The following FHIP2A variants were observed in gnomAD, a reference collection of about 807,000 sequenced individuals.
FHIP2A encodes FHF complex subunit HOOK interacting protein 2A.
In FHIP2A, 46 loss-of-function variants were observed where a neutral mutation model predicts 93.5. That is an observed-to-expected ratio of 0.49 (90% CI 0.39 to 0.63). FHIP2A has a LOEUF of 0.63. Ranked by LOEUF, FHIP2A falls within the 20% of genes least tolerant of loss-of-function variation. The probability of loss-of-function intolerance (pLI) is 0.00; values close to 1 mark genes in which losing one functional copy is unlikely to be tolerated. For synonymous variants in FHIP2A, 332 were observed against 326.5 expected (o/e 1.02, Z -0.18); for missense variants, 769 against 909.7 (o/e 0.85, Z 1.99).
chr10:114,856,598 G>A (rs1409536866), intron 14 of FHIP2A, among the ~76,000 whole-genome samples: 2 of 152,160 alleles, frequency 1.3e-5, no homozygotes, highest in African/African-American at 2.4e-5. Flanking sequence ...AATTTTGACC[G>A]AAAGTACTAA....
intron 7 of FHIP2A, 145 bp from the exon 8 acceptor site, chr10:114,845,222 C>T: frequency 2.0e-6 from 1 of 495,176 alleles, no homozygotes; most frequent in Admixed American, 3.4e-5. Flanking sequence ...TTACAGAATC[C>T]TCTTCTCACT....
chr10:114,839,659 A>G (rs1036237591), intron 5 of FHIP2A, among the ~76,000 whole-genome samples: 1 of 151,736 alleles, frequency 6.6e-6, no homozygotes, highest in Non-Finnish European at 1.5e-5. Flanking sequence ...CGGGCAGATC[A>G]TAAGGTCAGG....
intron 5 of FHIP2A, among the ~76,000 whole-genome samples, chr10:114,838,049 A>G (rs578057347): frequency 6.6e-6 from 1 of 152,192 alleles, no homozygotes; most frequent in African/African-American, 2.4e-5. Flanking sequence ...TCACCAGATC[A>G]TATGGTAAGT....
At chr10:114,835,297 T>C (rs1455187325) in intron 3 of FHIP2A, among the ~76,000 whole-genome samples, 2 of 152,254 alleles carry the variant, frequency 1.3e-5, no homozygotes, top group Non-Finnish European at 2.9e-5. Context: ...TGTAACTACA[T>C]GAGCCTGTGG....
intron 3 of FHIP2A, among the ~76,000 whole-genome samples, chr10:114,835,000 C>T (rs150377359): frequency 3.3e-5 from 5 of 152,102 alleles, no homozygotes; most frequent in Non-Finnish European, 7.4e-5. Context: ...TCGTGTATAC[C>T]GAGGCACAGC....
At position 114,843,091 on chromosome 10, in the gene FHIP2A, G is replaced by A; in HGVS notation, c.681G>A (p.Glu227=). 6.2e-7 allele frequency: 1 copy of A among 1,614,098 alleles called. No homozygotes were observed. Among genetic ancestry groups the A allele is most frequent in the Middle Eastern group, 1.6e-4 (1 of 6,062 alleles). ...TGGAGCAAACAGAATTGGAAGATGA[G>A]CCTCCTCATCAGATGGATCACCTGT... ...TGMEQTELED[E]PPHQMDHLST... Residue 227 remains glutamate (E), a synonymous_variant, in exon 6 of 17, where the codon GAG becomes GAA. Transcript: ENST00000369248.
At chr10:114,873,028 A>G (rs1338230773) in intron 16 of FHIP2A, among the ~76,000 whole-genome samples, 1 of 152,250 alleles carries the variant, frequency 6.6e-6, no homozygotes. Context: ...GGCTAAAAAT[A>G]GCAGGAAGCA....
rs193275293 is a variant in FHIP2A at position 114,883,351 on chromosome 10, T to C, written c.2193-16139T>C. On this transcript the variant is annotated intron_variant, in intron 16 of 16. Coordinates refer to the FHIP2A transcript ENST00000369250. ...CCTCTTCTCATATCCACGTGTCTTCTCTTCCTATCCACATTGTAAATTCTT... is the reference window on the plus strand; with the variant it reads ...CCTCTTCTCATATCCACGTGTCTTCCCTTCCTATCCACATTGTAAATTCTT... Among the ~76,000 whole-genome samples, 20 of 152,218 alleles carry C rather than the reference T, an allele frequency of 1.3e-4. No individual in the cohort carries two copies. The East Asian group carries it at 3.9e-3, about 29-fold the overall frequency.
intron 16 of FHIP2A, among the ~76,000 whole-genome samples, chr10:114,871,494 G>C (rs2083860088): frequency 6.6e-6 from 1 of 152,144 alleles, no homozygotes; most frequent in Admixed American, 6.6e-5. Flanking sequence ...CCCAGTGGTA[G>C]TAGCTGCCTC....
intron 16 of FHIP2A, among the ~76,000 whole-genome samples, chr10:114,891,098 G>GTGGGAAGAT (rs1015279032): frequency 6.6e-6 from 1 of 151,102 alleles, no homozygotes; most frequent in African/African-American, 2.4e-5. Flanking sequence ...GGAGGCTGAG[G>GTGGGAAGAT]TGGGAAGATT....
intron 5 of FHIP2A, among the ~76,000 whole-genome samples, chr10:114,838,248 T>A (rs2083647895): frequency 6.6e-6 from 1 of 152,224 alleles, no homozygotes; most frequent in Admixed American, 6.5e-5. Flanking sequence ...TTTTCTATTT[T>A]ACATTACTAA....
chr10:114,864,377 G>A lies in FHIP2A; in HGVS notation c.*2837G>A. 1 of 985,564 alleles carries A rather than the reference G, an allele frequency of 1.0e-6. No individual in the cohort carries two copies. Among genetic ancestry groups the A allele is most frequent in the South Asian group, 4.7e-5 (1 of 21,286 alleles). The allele number at this position is 985,564 out of a possible 1,614,324, so 61.1% of individuals were successfully genotyped here. A position where few individuals can be genotyped will look rare whatever the true frequency, so the allele number is the denominator to read the frequency against. ...TTGGGTTATGTAGTAAATCAAATAT[G>A]CATGTCATTGTGACACTTTATGTGT... On this transcript the variant is annotated 3_prime_UTR_variant, in exon 17 of 17. Transcript: ENST00000369248.
intron 2 of FHIP2A, among the ~76,000 whole-genome samples, chr10:114,832,381 GA>G (rs1469892982): frequency 6.6e-6 from 1 of 152,178 alleles, no homozygotes; most frequent in East Asian, 1.9e-4. Context: ...CATTGTAATA[GA>G]AGAAAATGAA....
In FHIP2A at chr10:114,862,651, C is replaced by G; in HGVS notation, c.*1111C>G. 1 of 985,646 alleles carries G rather than the reference C, an allele frequency of 1.0e-6. No individual in the cohort carries two copies. Among genetic ancestry groups the G allele is most frequent in the Non-Finnish European group, 1.2e-6 (1 of 830,100 alleles). The allele number at this position is 985,646 out of a possible 1,614,324, so 61.1% of individuals were successfully genotyped here. A position where few individuals can be genotyped will look rare whatever the true frequency, so the allele number is the denominator to read the frequency against. On this transcript the variant is annotated 3_prime_UTR_variant, in exon 17 of 17. Transcript: ENST00000369248. ...GGTGTACATGTAGGAACCTGTAGTTCAGCAAAGCTGCGCTGGGCACAGCAT... is the reference window on the plus strand; with the variant it reads ...GGTGTACATGTAGGAACCTGTAGTTGAGCAAAGCTGCGCTGGGCACAGCAT...
chr10:114,826,518 A>C (rs1566363716), intron 1 of FHIP2A, among the ~76,000 whole-genome samples: 1 of 152,226 alleles, frequency 6.6e-6, no homozygotes, highest in Admixed American at 6.5e-5. Flanking sequence ...AGTAAAAGTC[A>C]ACCATTATTG....
chr10:114,862,635 G>T lies in FHIP2A; in HGVS notation c.*1095G>T, dbSNP rs1430841885. 1.9e-5 allele frequency: 19 copies of T among 985,638 alleles called. No homozygotes were observed. The highest frequency in any genetic ancestry group is 2.2e-5 in the Non-Finnish European group (18 of 830,118). The allele number at this position is 985,638 out of a possible 1,614,324, so 61.1% of individuals were successfully genotyped here. A position where few individuals can be genotyped will look rare whatever the true frequency, so the allele number is the denominator to read the frequency against. The stretch of plus-strand genomic sequence containing the variant: ...GGTATGTATGTGAATGGGTGTACAT[G>T]TAGGAACCTGTAGTTCAGCAAAGCT... On this transcript the variant is annotated 3_prime_UTR_variant, in exon 17 of 17. Transcript: ENST00000369248.
chr10:114,890,283 C>T (rs1269189316), intron 16 of FHIP2A, among the ~76,000 whole-genome samples: 3 of 152,026 alleles, frequency 2.0e-5, no homozygotes, highest in Non-Finnish European at 4.4e-5. Context: ...CCACCTTGGC[C>T]TCCCAAAGTG....
In FHIP2A at chr10:114,887,180, G is replaced by A. The variant is rs183543616; in HGVS notation, c.2193-12310G>A. Among the ~76,000 whole-genome samples, 406 of 152,250 alleles carry A rather than the reference G, an allele frequency of 2.7e-3. 1 individual carries two copies. Among genetic ancestry groups the A allele is most frequent in the Middle Eastern group, 0.014 (4 of 294 alleles). On this transcript the variant is annotated intron_variant, in intron 16 of 16. Transcript: ENST00000369250. ...CAGGCTAAGCAGATACTATTATCCA[G>A]GTGCACATGGCTAAAATTACTGTAC...
intron 14 of FHIP2A, among the ~76,000 whole-genome samples, chr10:114,855,987 A>G (rs559630069): frequency 1.8e-4 from 27 of 152,320 alleles, no homozygotes; most frequent in Admixed American, 7.2e-4. Flanking sequence ...GAGCTTTGAA[A>G]TGCTTGACTC....
Sources: gnomAD v4.1 joint callset for allele counts (sites outside exome capture counted in the v4.1 genomes callset) on GRCh38, gnomAD v4.1.1 for gene constraint, MANE v1.5 for transcripts, NCBI Gene and HGNC (gene_info 2026-07-23, HGNC 2026-07-21) for gene names.